Variants in FN1 observed in about 807,000 individuals in gnomAD.
The protein encoded by FN1 is fibronectin.
In FN1, 106 loss-of-function variants were observed where a neutral mutation model predicts 297.3. The ratio of observed to expected loss-of-function variants is 0.36; its 90% CI spans 0.30 to 0.42. The LOEUF (loss-of-function observed/expected upper bound fraction) is 0.42, where lower values mean the gene tolerates loss of function less well. Ranked by LOEUF, FN1 falls within the 10% of genes least tolerant of loss-of-function variation. The pLI is 1.00. For synonymous variants in FN1, 1,149 were observed against 1,152.6 expected (o/e 1.00, Z 0.06); for missense variants, 2,690 against 3,124.9 (o/e 0.86, Z 3.32).
At chr2:215,402,524 T>C (rs2061286259) in intron 20 of FN1, among the ~76,000 whole-genome samples, 1 of 152,186 alleles carries the variant, frequency 6.6e-6, no homozygotes, top group South Asian at 2.1e-4. Context: ...CTTAGTAAGA[T>C]AGTAAAAAAC....
intron 45 of FN1, 151 bp downstream of exon 45, chr2:215,361,818 T>C (rs2053507364): frequency 7.9e-6 from 9 of 1,146,030 alleles, no homozygotes; most frequent in Non-Finnish European, 1.1e-5. Flanking sequence ...TAACTTAAAC[T>C]ATATTATGGA....
rs763357842 is a variant in FN1 at position 215,384,866 on chromosome 2, C to T, written c.4723G>A (p.Glu1575Lys). ...TAGCATTTTACTGCTGTACCTGTCT[C>T]TCCGTAAGTGATCCTGTAATATCTC... ...TVRYYRITYGETGGNSPVQEF... is the reference protein window; with the variant it reads ...TVRYYRITYGKTGGNSPVQEF... The change falls in exon 29 of 46, where the codon GAG becomes AAG. Residue 1575 changes from glutamate (E) to lysine (K), a missense_variant. Coordinates refer to ENST00000354785, the MANE Select transcript of FN1 (RefSeq NM_212482.4). The T allele has an allele frequency of 6.2e-7, 1 of 1,601,182 alleles. No homozygotes were observed. Among genetic ancestry groups the T allele is most frequent in the Non-Finnish European group, 8.6e-7 (1 of 1,168,216 alleles).
rs778724784 is a variant in FN1, at chr2:215,393,011, G to A, written c.3989C>T (p.Pro1330Leu). The A allele has an allele frequency of 1.6e-5, 26 of 1,613,826 alleles. No homozygotes were observed. Among genetic ancestry groups the A allele is most frequent in the South Asian group, 5.5e-5 (5 of 91,078 alleles). Residue 1330 changes from proline (P) to leucine (L), a missense_variant, in exon 25 of 46, where the codon CCG becomes CTG. Pro to Leu is a moderately conservative substitution (Grantham distance 98). Coordinates refer to ENST00000354785, the MANE Select transcript of FN1 (RefSeq NM_212482.4). Reference protein sequence around the residue: ...VGYYTVTGLEPGIDYDISVIT... With the variant: ...VGYYTVTGLELGIDYDISVIT... ...AACGCTGATATCATAGTCAATGCCC[G>A]GCTCCAGCCCTGTGACTGTGTAGTA...
At chr2:215,384,697 A>G (rs1208786327) in intron 29 of FN1, 163 bp downstream of exon 29, 2 of 606,264 alleles carry the variant, frequency 3.3e-6, no homozygotes, top group Admixed American at 3.0e-5. Context: ...TTTTAGAACA[A>G]ATTATATCAT....
At chr2:215,424,614 G>T (rs927236955) in intron 7 of FN1, among the ~76,000 whole-genome samples, 2 of 152,102 alleles carry the variant, frequency 1.3e-5, no homozygotes, top group African/African-American at 2.4e-5. Context: ...GTCAATTAAG[G>T]ATGCTGCTTA....
At chr2:215,419,433 T>C (rs1386918848) in intron 11 of FN1, 48 bp from the exon 12 acceptor site, 1 of 1,529,476 alleles carries the variant, frequency 6.5e-7, no homozygotes, top group Non-Finnish European at 9.1e-7. Context: ...GACTTATAAC[T>C]ACGAATTTAA....
chr2:215,415,446 A>C (rs963931033), intron 12 of FN1, among the ~76,000 whole-genome samples: 2 of 152,206 alleles, frequency 1.3e-5, no homozygotes, highest in Non-Finnish European at 2.9e-5. Context: ...ATGTAAAACA[A>C]ACACATTTCT....
intron 20 of FN1, among the ~76,000 whole-genome samples, chr2:215,400,319 G>C (rs181863125): frequency 1.3e-3 from 191 of 152,222 alleles, no homozygotes; most frequent in Non-Finnish European, 2.3e-3. Flanking sequence ...GAAGTCTAAA[G>C]ATTTGTACTT....
In FN1 at chr2:215,376,498, C is replaced by T. The variant is rs1375835669; in HGVS notation, c.5887G>A (p.Gly1963Ser). 6.2e-7 allele frequency: 1 copy of T among 1,614,030 alleles called. No individual in the cohort carries two copies. The highest frequency in any genetic ancestry group is 2.2e-5 in the East Asian group (1 of 44,878). ...TGGTTAGTGCAATGAGTTCCCTGACCTGTGATGGTGTAGCTTCTGACATCT... is the reference window on the plus strand; with the variant it reads ...TGGTTAGTGCAATGAGTTCCCTGACTTGTGATGGTGTAGCTTCTGACATCT... The part of the protein sequence containing the change: ...KPDVRSYTIT[G>S]LQPGTDYKIY... The change falls in exon 36 of 46, where the codon GGT becomes AGT. Residue 1963 changes from glycine (G) to serine (S), a missense_variant and splice_region_variant. Physicochemically the swap from Gly to Ser is moderately conservative, Grantham distance 56. Coordinates refer to ENST00000354785, the MANE Select transcript of FN1 (RefSeq NM_212482.4).
At chr2:215,422,478 G>A (rs573389694) in intron 9 of FN1, among the ~76,000 whole-genome samples, 1 of 151,672 alleles carries the variant, frequency 6.6e-6, no homozygotes, top group Non-Finnish European at 1.5e-5. Context: ...AAGGGTTAGG[G>A]GATGTTAAAC....
At chr2:215,410,877 T>G (rs1437613466) in intron 13 of FN1, among the ~76,000 whole-genome samples, 4 of 152,232 alleles carry the variant, frequency 2.6e-5, no homozygotes, top group African/African-American at 9.6e-5. Context: ...GCTTTGCCTC[T>G]CTCACTTATT....
At chr2:215,390,715 G>A (rs969256911) in intron 26 of FN1, among the ~76,000 whole-genome samples, 1 of 152,078 alleles carries the variant, frequency 6.6e-6, no homozygotes, top group African/African-American at 2.4e-5. Flanking sequence ...CTGGGGTGGT[G>A]GATATGCCAA....
chr2:215,422,130 G>A lies in FN1; in HGVS notation c.1507C>T (p.Arg503Cys). Residue 503 changes from arginine to cysteine, a missense_variant, in exon 10 of 46, where the codon CGT becomes TGT. Coordinates refer to ENST00000354785, the MANE Select transcript of FN1 (RefSeq NM_212482.4). ...TAGGCAATGCATGTCCATTCCCCAC[G>A]ACCATTCCCAACACACGTGCACCTC... Reference protein sequence around the residue: ...MMRCTCVGNGRGEWTCIAYSQ... With the variant: ...MMRCTCVGNGCGEWTCIAYSQ... 6.2e-7 allele frequency: 1 copy of A among 1,614,078 alleles called. No homozygotes were observed. The highest frequency in any genetic ancestry group is 8.5e-7 in the Non-Finnish European group (1 of 1,180,004).
chr2:215,383,159 C>G lies in FN1; in HGVS notation c.5050+169G>C, dbSNP rs57901492. 0.027 allele frequency among the ~76,000 whole-genome samples: 4,175 copies of G among 152,210 alleles called. 187 individuals are homozygous for G. The highest frequency in any genetic ancestry group is 0.096 in the African/African-American group (3,986 of 41,508). On this transcript the variant is annotated intron_variant, in intron 31 of 45. Transcript: ENST00000354785. Reference sequence around the variant, plus strand: ...AGCTGGGATTACAGGCACAAGCCACCATGCCCAGCTAATTTTTTTGTATTT... The same window carrying G: ...AGCTGGGATTACAGGCACAAGCCACGATGCCCAGCTAATTTTTTTGTATTT...
At position 215,384,973 on chromosome 2, in the gene FN1, G is replaced by C. The variant is rs774794772; in HGVS notation, c.4616C>G (p.Ser1539Cys). Residue 1539 changes from serine to cysteine, a missense_variant, in exon 29 of 46, where the codon TCT becomes TGT. Around this residue, in one of 3 missense-constraint regions of FN1, gnomAD observed 1,743 missense variants for 1,945.2 expected, o/e 0.90. Coordinates refer to ENST00000354785, the MANE Select transcript of FN1 (RefSeq NM_212482.4). ...AACTTCCAGGTCCCTCGGAACATCA[G>C]AAACTAGAAAAAAAAGGGAAACTTT... Reference protein sequence around the residue: ...PLLIGQQSTVSDVPRDLEVVA... With the variant: ...PLLIGQQSTVCDVPRDLEVVA... 2.0e-5 allele frequency: 32 copies of C among 1,608,512 alleles called. No individual in the cohort carries two copies. The East Asian group carries it at 6.5e-4, about 33-fold the overall frequency.
intron 39 of FN1, among the ~76,000 whole-genome samples, chr2:215,373,047 T>C (rs2106259567): frequency 6.6e-6 from 1 of 152,298 alleles, no homozygotes; most frequent in African/African-American, 2.4e-5. Flanking sequence ...ATAGCTCTTC[T>C]TTTACATTTT....
At chr2:215,383,020 T>A (rs1272544352) in intron 31 of FN1, among the ~76,000 whole-genome samples, 1 of 151,326 alleles carries the variant, frequency 6.6e-6, no homozygotes, top group Admixed American at 6.6e-5. Flanking sequence ...TTTTTTTCCC[T>A]GAGATGGAGT....
intron 25 of FN1, chr2:215,392,590 T>TA (rs891801898): frequency 2.0e-5 from 7 of 347,580 alleles, no homozygotes; most frequent in Non-Finnish European, 3.3e-5. Context: ...AATTGGTACT[T>TA]ACGCAATTTG....
intron 36 of FN1, 111 bp downstream of exon 36, chr2:215,376,387 T>C (rs1338469692): frequency 2.0e-6 from 2 of 1,007,140 alleles, no homozygotes; most frequent in East Asian, 2.4e-5. Context: ...TGGGTTATGA[T>C]GATAACACTG....
Sources: allele counts gnomAD v4.1 joint callset (sites outside exome capture counted in the v4.1 genomes callset), GRCh38; gene constraint gnomAD v4.1.1; regional missense constraint gnomAD v4.1.1; transcripts MANE v1.5; gene names NCBI Gene and HGNC (gene_info 2026-07-23, HGNC 2026-07-21).